The following CDH4 variants were observed in gnomAD, a reference collection of about 807,000 sequenced individuals.
CDH4 encodes cadherin 4.
In CDH4, 33 loss-of-function variants were observed where a neutral mutation model predicts 86.0. The ratio of observed to expected loss-of-function variants is 0.38; its 90% CI spans 0.29 to 0.51. CDH4 has a LOEUF of 0.51. CDH4 is among the 20% of genes least tolerant of loss of function. The pLI is 0.86. For synonymous variants in CDH4, 555 were observed against 549.4 expected, an observed-to-expected ratio of 1.01 and a Z score of -0.14; for missense variants, 1,114 against 1,307.4, an observed-to-expected ratio of 0.85 and a Z score of 2.28.
intron 2 of CDH4, among the ~76,000 whole-genome samples, chr20:61,337,577 G>T (rs2084626996): frequency 1.3e-5 from 2 of 151,992 alleles, no homozygotes; most frequent in African/African-American, 4.8e-5. Context: ...TACTTCCTGG[G>T]TCTAATCCTC....
intron 14 of CDH4, 46 bp downstream of exon 14, chr20:61,933,170 C>T (rs2055135516): frequency 6.3e-7 from 1 of 1,597,808 alleles, no homozygotes; most frequent in African/African-American, 1.3e-5. Flanking sequence ...GGCCGGCTCT[C>T]ACGTGTACTA....
intron 2 of CDH4, among the ~76,000 whole-genome samples, chr20:61,373,230 C>T (rs1324074521): frequency 1.3e-5 from 2 of 152,108 alleles, no homozygotes; most frequent in Non-Finnish European, 2.9e-5. Context: ...GAACAACACC[C>T]TGTGTCCTGT....
At chr20:61,628,254 C>G (rs1376148767) in intron 2 of CDH4, among the ~76,000 whole-genome samples, 1 of 152,154 alleles carries the variant, frequency 6.6e-6, no homozygotes, top group Non-Finnish European at 1.5e-5. Flanking sequence ...GCTGAGGTCT[C>G]GTAGAGATGG....
At position 61,792,658 on chromosome 20, in the gene CDH4, A is replaced by T. The variant is rs915216496; in HGVS notation, c.576+19476A>T. ...TGATGCTGTGTGTGTGTGTGTGTGT[A>T]TTTTTTTTTGAGATGGGGTCTTGCT... On this transcript the variant is annotated intron_variant, in intron 4 of 15. Transcript: ENST00000614565. 1.5e-4 allele frequency among the ~76,000 whole-genome samples: 23 copies of T among 149,856 alleles called. No individual in the cohort carries two copies. In the South Asian group the frequency reaches 4.9e-3, roughly 32 times the overall value.
intron 2 of CDH4, among the ~76,000 whole-genome samples, chr20:61,590,832 A>G (rs1238017384): frequency 7.0e-6 from 1 of 142,606 alleles, no homozygotes; most frequent in Admixed American, 7.1e-5. Context: ...ACTCTAAACA[A>G]CCTACAGTGA....
intron 2 of CDH4, among the ~76,000 whole-genome samples, chr20:61,385,791 C>G (rs6121672): frequency 0.25 from 37,464 of 152,116 alleles, 5,001 homozygotes; most frequent in African/African-American, 0.34. Context: ...CCGTACTCCC[C>G]TCCTGCCCAC....
intron 2 of CDH4, among the ~76,000 whole-genome samples, chr20:61,551,859 G>T (rs1021156941): frequency 6.6e-6 from 1 of 152,162 alleles, no homozygotes; most frequent in Non-Finnish European, 1.5e-5. Context: ...TTTGACAAAG[G>T]TGCCAAAACC....
At chr20:61,453,287 A>G (rs2085390092) in intron 2 of CDH4, among the ~76,000 whole-genome samples, 1 of 152,174 alleles carries the variant, frequency 6.6e-6, no homozygotes, top group Non-Finnish European at 1.5e-5. Context: ...GGGATTATAT[A>G]TCTCAGCATA....
intron 2 of CDH4, among the ~76,000 whole-genome samples, chr20:61,262,757 T>G (rs2084134549): frequency 6.6e-6 from 1 of 151,246 alleles, no homozygotes; most frequent in Non-Finnish European, 1.5e-5. Flanking sequence ...CCTCCTTACC[T>G]CCCACCCTCC....
intron 4 of CDH4, among the ~76,000 whole-genome samples, chr20:61,823,969 G>C (rs985845486): frequency 3.3e-5 from 5 of 152,168 alleles, no homozygotes; most frequent in African/African-American, 9.7e-5. Flanking sequence ...CTTTTGGATA[G>C]GTAAGGAACT....
At chr20:61,629,192 T>C (rs964273391) in intron 2 of CDH4, among the ~76,000 whole-genome samples, 1 of 152,064 alleles carries the variant, frequency 6.6e-6, no homozygotes, top group African/African-American at 2.4e-5. Context: ...GTGAAGCAGG[T>C]CAGAAATGGC....
Position 61,661,088 on chromosome 20 carries a change from G to GT in CDH4, c.170-82475_170-82474insT, listed in dbSNP as rs1011983822. On this transcript the variant is annotated intron_variant, in intron 2 of 15. Transcript: ENST00000614565. ...CGGCATGGACAGGAGGCATGGCGGG[G>GT]GGGGGGGAGACACAGTGCCAGGCTC... 2.1e-5 allele frequency among the ~76,000 whole-genome samples: 3 copies of GT among 144,662 alleles called. 1 individual carries two copies. Among genetic ancestry groups the GT allele is most frequent in the East Asian group, 3.9e-4 (2 of 5,126 alleles). 94.9% of individuals were successfully genotyped at this position (144,662 alleles called of 152,430 possible).
intron 2 of CDH4, among the ~76,000 whole-genome samples, chr20:61,650,737 A>G (rs1008851833): frequency 1.3e-5 from 2 of 152,220 alleles, no homozygotes; most frequent in African/African-American, 2.4e-5. Context: ...AAAGGTAACA[A>G]TAATTACAGG....
chr20:61,374,754 A>G (rs977396445), intron 2 of CDH4, among the ~76,000 whole-genome samples: 2 of 152,170 alleles, frequency 1.3e-5, no homozygotes, highest in Admixed American at 6.5e-5. Context: ...TCAGGCCATG[A>G]TGGGAAGTGG....
At chr20:61,576,174 G>A (rs977561531) in intron 2 of CDH4, among the ~76,000 whole-genome samples, 8 of 152,314 alleles carry the variant, frequency 5.3e-5, no homozygotes, top group African/African-American at 1.9e-4. Flanking sequence ...TGGCTTCTCA[G>A]TGTGGGCTTT....
chr20:61,919,837 G>GTGT (rs1491515757), intron 9 of CDH4, among the ~76,000 whole-genome samples: 6 of 63,702 alleles, frequency 9.4e-5, no homozygotes, highest in East Asian at 7.7e-4. Flanking sequence ...GCATGGAAGC[G>GTGT]TGTGATTGTG....
At chr20:61,281,744 G>A (rs1489483970) in intron 2 of CDH4, among the ~76,000 whole-genome samples, 6 of 152,208 alleles carry the variant, frequency 3.9e-5, no homozygotes, top group African/African-American at 9.6e-5. Flanking sequence ...GGGCATTCCC[G>A]CCACCTCCTC....
chr20:61,933,975 G>C, intron 14 of CDH4, 81 bp from the exon 15 acceptor site: 1 of 1,519,160 alleles, frequency 6.6e-7, no homozygotes, highest in Non-Finnish European at 9.0e-7. Flanking sequence ...TGTGGCCCAG[G>C]TGACAGAAAA....
intron 5 of CDH4, among the ~76,000 whole-genome samples, chr20:61,848,767 A>G (rs1600709046): frequency 6.6e-6 from 1 of 152,168 alleles, no homozygotes; most frequent in Non-Finnish European, 1.5e-5. Flanking sequence ...AGCTCAAGCC[A>G]TCTGCCTGCG....
Sources: allele counts gnomAD v4.1 joint callset (sites outside exome capture counted in the v4.1 genomes callset), GRCh38; gene constraint gnomAD v4.1.1; transcripts MANE v1.5; gene names NCBI Gene and HGNC (gene_info 2026-07-23, HGNC 2026-07-21).